The following COL5A2 variants were observed in gnomAD, a reference collection of about 807,000 sequenced individuals.
The protein encoded by COL5A2 is collagen alpha-2(V) chain.
In COL5A2, 23 loss-of-function variants were observed where a neutral mutation model predicts 208.2. The observed-to-expected ratio is 0.11, with a 90% CI of 0.08 to 0.16. The LOEUF (loss-of-function observed/expected upper bound fraction) is 0.16, where lower values mean the gene tolerates loss of function less well. COL5A2 is among the 10% of genes least tolerant of loss of function. The pLI is 1.00. For missense variants in COL5A2, 1,590 were observed against 1,956.4 expected, an observed-to-expected ratio of 0.81 and a Z score of 3.53; for synonymous variants, 625 against 628.5, an observed-to-expected ratio of 0.99 and a Z score of 0.08.
At chr2:189,071,768 T>C (rs1188355933) in intron 18 of COL5A2, among the ~76,000 whole-genome samples, 1 of 152,198 alleles carries the variant, frequency 6.6e-6, no homozygotes, top group Non-Finnish European at 1.5e-5. Flanking sequence ...ATAGTTGTTT[T>C]GACTGGCTGG....
At chr2:189,340,924 T>C in the COL5A2 span, among the ~76,000 whole-genome samples, 1 of 152,178 alleles carries the variant, frequency 6.6e-6, no homozygotes, top group Non-Finnish European at 1.5e-5. Flanking sequence ...TTACAGGTCA[T>C]TGTAAAATAA....
At chr2:189,370,662 A>T in the COL5A2 span, among the ~76,000 whole-genome samples, 8 of 152,124 alleles carry the variant, frequency 5.3e-5, no homozygotes, top group African/African-American at 1.9e-4. Flanking sequence ...CATACAACAT[A>T]CATAGATAAT....
chr2:189,086,353 T>G (rs1686662283), intron 9 of COL5A2, among the ~76,000 whole-genome samples: 1 of 152,222 alleles, frequency 6.6e-6, no homozygotes, highest in Non-Finnish European at 1.5e-5. Flanking sequence ...TTCTTATTTC[T>G]AATAATACTA....
chr2:189,097,681 A>G (rs1426448272), intron 5 of COL5A2: 2 of 494,472 alleles, frequency 4.0e-6, no homozygotes, highest in Admixed American at 4.6e-5. Flanking sequence ...TGAGCACAAA[A>G]ACTTACAATT....
chr2:189,081,329 G>T (rs1686529714), intron 12 of COL5A2, among the ~76,000 whole-genome samples: 1 of 152,040 alleles, frequency 6.6e-6, no homozygotes, highest in Admixed American at 6.6e-5. Flanking sequence ...ATATCACTGT[G>T]TTATAATTAG....
intron 1 of COL5A2, among the ~76,000 whole-genome samples, chr2:189,140,337 C>T (rs1378832382): frequency 6.6e-6 from 1 of 152,038 alleles, no homozygotes; most frequent in Non-Finnish European, 1.5e-5. Context: ...AGAACACAGC[C>T]CTCTGATTCT....
At chr2:189,109,522 T>C (rs923634915) in intron 2 of COL5A2, among the ~76,000 whole-genome samples, 3 of 152,166 alleles carry the variant, frequency 2.0e-5, no homozygotes, top group African/African-American at 7.2e-5. Flanking sequence ...TCATGACTGC[T>C]AACACAAATA....
intron 2 of COL5A2, among the ~76,000 whole-genome samples, chr2:189,107,834 TATTTGTTTAGAC>T (rs1687180667): frequency 6.6e-6 from 1 of 151,726 alleles, no homozygotes. Flanking sequence ...CATAGATCTG[TATTTGTTTAGAC>T]AGTTTCTATT....
intron 51 of COL5A2, among the ~76,000 whole-genome samples, chr2:189,037,842 T>C (rs1056855790): frequency 6.6e-6 from 1 of 152,172 alleles, no homozygotes; most frequent in African/African-American, 2.4e-5. Context: ...ATGTTAACAT[T>C]AAGACACTTA....
At chr2:189,222,161 T>A (rs1689353966) in intron 1 of COL5A2, among the ~76,000 whole-genome samples, 1 of 152,192 alleles carries the variant, frequency 6.6e-6, no homozygotes, top group African/African-American at 2.4e-5. Flanking sequence ...TGCTAATTAG[T>A]AGGGTAAATT....
chr2:189,114,301 G>A lies in COL5A2; in HGVS notation c.98-3852C>T, dbSNP rs150092633. ...AAAGACATGTACAAAGAAACAGTGG[G>A]TAGAAAATACAGGGTGTCTTGCAGT... is the stretch of plus-strand genomic sequence containing the variant. On this transcript the variant is annotated intron_variant, in intron 1 of 53. Coordinates refer to ENST00000374866, the MANE Select transcript of COL5A2 (RefSeq NM_000393.5). 4.2e-3 allele frequency among the ~76,000 whole-genome samples: 633 copies of A among 152,262 alleles called. 2 individuals carry two copies. The highest frequency in any genetic ancestry group is 9.5e-3 in the South Asian group (46 of 4,824).
chr2:189,198,086 T>C (rs1449718688), intron 1 of COL5A2, among the ~76,000 whole-genome samples: 1 of 152,158 alleles, frequency 6.6e-6, no homozygotes, highest in East Asian at 1.9e-4. Flanking sequence ...CCTGACCTCG[T>C]GATCCGCCTG....
At chr2:189,071,577 G>A (rs928001720) in intron 18 of COL5A2, among the ~76,000 whole-genome samples, 4 of 152,138 alleles carry the variant, frequency 2.6e-5, no homozygotes, top group African/African-American at 9.7e-5. Flanking sequence ...TTGTGGAGCT[G>A]GGGGAGTGCA....
the COL5A2 span, among the ~76,000 whole-genome samples, chr2:189,241,153 C>G: frequency 6.6e-6 from 1 of 152,156 alleles, no homozygotes; most frequent in African/African-American, 2.4e-5. Context: ...CACCACATAT[C>G]CTCATTATTC....
chr2:189,321,376 T>G, the COL5A2 span, among the ~76,000 whole-genome samples: 3 of 152,178 alleles, frequency 2.0e-5, no homozygotes, highest in Non-Finnish European at 4.4e-5. Context: ...ACTGGAAAAT[T>G]GGATAAAGAG....
the COL5A2 span, among the ~76,000 whole-genome samples, chr2:189,310,043 G>T: frequency 6.6e-6 from 1 of 152,282 alleles, no homozygotes; most frequent in South Asian, 2.1e-4. Context: ...TTACAAGGCA[G>T]AATATACATA....
At chr2:189,233,317 G>C in the COL5A2 span, among the ~76,000 whole-genome samples, 1 of 151,578 alleles carries the variant, frequency 6.6e-6, no homozygotes, top group Non-Finnish European at 1.5e-5. Context: ...AGTTATTATT[G>C]TTTCCTAAAT....
chr2:189,163,250 T>C (rs1278453981), intron 1 of COL5A2, among the ~76,000 whole-genome samples: 1 of 152,144 alleles, frequency 6.6e-6, no homozygotes, highest in African/African-American at 2.4e-5. Flanking sequence ...TCAAGGATTG[T>C]TGGAAAAAAT....
chr2:189,330,866 C>G, the COL5A2 span, among the ~76,000 whole-genome samples: 5 of 152,140 alleles, frequency 3.3e-5, no homozygotes, highest in Admixed American at 6.5e-5. Flanking sequence ...TTAAACTCTT[C>G]TTTGACACAA....
Sources: gnomAD v4.1 joint callset for allele counts (sites outside exome capture counted in the v4.1 genomes callset) on GRCh38, gnomAD v4.1.1 for gene constraint, MANE v1.5 for transcripts, NCBI Gene and HGNC (gene_info 2026-07-23, HGNC 2026-07-21) for gene names.